Variants in B3GALT1 observed in about 807,000 individuals in gnomAD.
B3GALT1 encodes the protein UDP-Gal:betaGlcNAc beta 1,3-galactosyltransferase, polypeptide 1.
Under a neutral mutation model 23.2 loss-of-function variants are expected in B3GALT1, and 10 were observed. The observed-to-expected ratio is 0.43, with a 90% CI of 0.27 to 0.73. The LOEUF (loss-of-function observed/expected upper bound fraction) is 0.73, where lower values mean the gene tolerates loss of function less well. Ranked by LOEUF, B3GALT1 falls within the 30% of genes least tolerant of loss-of-function variation. The pLI, the probability that B3GALT1 is intolerant of heterozygous loss-of-function variation, is 0.21. For synonymous variants in B3GALT1, 156 were observed against 141.5 expected, an observed-to-expected ratio of 1.10 and a Z score of -0.73; for missense variants, 299 against 405.4, an observed-to-expected ratio of 0.74 and a Z score of 2.25.
intron 3 of B3GALT1, among the ~76,000 whole-genome samples, chr2:167,691,368 G>C (rs116430127): frequency 0.013 from 1,940 of 152,056 alleles, 44 homozygotes; most frequent in African/African-American, 0.044. Context: ...TACCTGTTTT[G>C]CTCACAACTA....
At chr2:167,407,806 T>C (rs1698324457) in intron 1 of B3GALT1, among the ~76,000 whole-genome samples, 1 of 151,898 alleles carries the variant, frequency 6.6e-6, no homozygotes, top group Non-Finnish European at 1.5e-5. Flanking sequence ...AAAAAACCAA[T>C]AACAAGTAAC....
intron 3 of B3GALT1, among the ~76,000 whole-genome samples, chr2:167,808,120 G>A (rs1688797981): frequency 6.6e-6 from 1 of 151,540 alleles, no homozygotes; most frequent in Non-Finnish European, 1.5e-5. Flanking sequence ...GACTAGGATT[G>A]CAACCCCTGC....
intron 2 of B3GALT1, among the ~76,000 whole-genome samples, chr2:167,591,150 A>G (rs1684672197): frequency 6.6e-6 from 1 of 152,200 alleles, no homozygotes; most frequent in African/African-American, 2.4e-5. Context: ...ACAGTGGAGA[A>G]TTAGGAAGTT....
chr2:167,414,855 A>G (rs986115663), intron 1 of B3GALT1, among the ~76,000 whole-genome samples: 4 of 152,170 alleles, frequency 2.6e-5, no homozygotes, highest in Admixed American at 6.5e-5. Flanking sequence ...AGCCGTAGGT[A>G]TGATGTTTAT....
At chr2:167,556,063 A>G (rs1179320983) in intron 2 of B3GALT1, among the ~76,000 whole-genome samples, 2 of 152,178 alleles carry the variant, frequency 1.3e-5, no homozygotes, top group Admixed American at 1.3e-4. Context: ...CAAATGCCAA[A>G]TATTACTGAC....
Position 167,870,130 on chromosome 2 carries a change from AG to A in B3GALT1, c.*111del, listed in dbSNP as rs1449828018. 1.7e-6 allele frequency: 2 copies of A among 1,196,596 alleles called. No individual in the cohort carries two copies. Among genetic ancestry groups the A allele is most frequent in the African/African-American group, 3.1e-5 (2 of 64,720 alleles). The allele number at this position is 1,196,596 out of a possible 1,614,324, so 74.1% of individuals were successfully genotyped here. On this transcript the variant is annotated 3_prime_UTR_variant, in exon 5 of 5. Transcript: ENST00000392690. ...ATGAACTGGTGAAGGGGTTTTGTAA[AG>A]TTTTTGCTTCCTGCTATAAGTTCTT...
intron 2 of B3GALT1, among the ~76,000 whole-genome samples, chr2:167,541,993 C>T (rs1373361057): frequency 6.6e-6 from 1 of 152,080 alleles, no homozygotes; most frequent in Non-Finnish European, 1.5e-5. Flanking sequence ...AATACAGACA[C>T]TGAACTTAGA....
chr2:167,465,722 G>T (rs77063947), intron 1 of B3GALT1, among the ~76,000 whole-genome samples: 22 of 151,816 alleles, frequency 1.4e-4, no homozygotes, highest in African/African-American at 5.3e-4. Context: ...CAAAAAGAAC[G>T]CCAAGAAGCA....
chr2:167,704,699 A>G (rs1349695632), intron 3 of B3GALT1, among the ~76,000 whole-genome samples: 2 of 152,222 alleles, frequency 1.3e-5, no homozygotes, highest in Admixed American at 6.5e-5. Flanking sequence ...TTTTTAAGTA[A>G]ATGAACATGA....
intron 2 of B3GALT1, among the ~76,000 whole-genome samples, chr2:167,597,637 C>A (rs1442293893): frequency 6.6e-6 from 1 of 152,172 alleles, no homozygotes; most frequent in Admixed American, 6.5e-5. Flanking sequence ...GTCTGCAAAG[C>A]CCTCCGTGTT....
At chr2:167,576,520 G>GTTTTTTTTTTGTTTTTTTTTTTTTTTTT (rs1558912483) in intron 2 of B3GALT1, among the ~76,000 whole-genome samples, 1 of 122,424 alleles carries the variant, frequency 8.2e-6, no homozygotes. Context: ...TTGTTTTTCT[G>GTTTTTTTTTTGTTTTTTTTTTTTTTTTT]TTTTTTTTTT....
intron 1 of B3GALT1, among the ~76,000 whole-genome samples, chr2:167,404,522 G>C (rs533735147): frequency 6.6e-6 from 1 of 152,066 alleles, no homozygotes; most frequent in Non-Finnish European, 1.5e-5. Context: ...AGTATAACTC[G>C]TTTACCTGGT....
At chr2:167,634,982 A>T (rs970520615) in intron 2 of B3GALT1, among the ~76,000 whole-genome samples, 1 of 152,208 alleles carries the variant, frequency 6.6e-6, no homozygotes, top group African/African-American at 2.4e-5. Flanking sequence ...CCAACAGCAC[A>T]TCAAAAAGCT....
intron 1 of B3GALT1, among the ~76,000 whole-genome samples, chr2:167,474,799 C>A (rs1699467559): frequency 6.6e-6 from 1 of 152,030 alleles, no homozygotes; most frequent in African/African-American, 2.4e-5. Context: ...TGATTTTTGA[C>A]CCAGATGTTA....
intron 2 of B3GALT1, among the ~76,000 whole-genome samples, chr2:167,512,591 T>TACG (rs375036584): frequency 2.4e-5 from 1 of 41,858 alleles, no homozygotes; most frequent in Admixed American, 2.4e-4. Context: ...TATATATATA[T>TACG]GTGTATATAT....
chr2:167,428,925 A>G (rs1698663663), intron 1 of B3GALT1, among the ~76,000 whole-genome samples: 1 of 152,148 alleles, frequency 6.6e-6, no homozygotes, highest in Non-Finnish European at 1.5e-5. Context: ...TTATCGACAT[A>G]CCATCTTATT....
At chr2:167,486,590 C>T (rs182248192) in intron 1 of B3GALT1, among the ~76,000 whole-genome samples, 104 of 139,850 alleles carry the variant, frequency 7.4e-4, no homozygotes, top group Middle Eastern at 9.8e-3. Flanking sequence ...TTGTGGCGCA[C>T]GCCTGTAGTC....
At chr2:167,660,667 G>A (rs1044445898) in intron 3 of B3GALT1, among the ~76,000 whole-genome samples, 5 of 152,098 alleles carry the variant, frequency 3.3e-5, no homozygotes, top group African/African-American at 1.2e-4. Flanking sequence ...GAGTCTCACT[G>A]TCACTAGAAG....
chr2:167,847,546 T>A (rs1689787969), intron 4 of B3GALT1, among the ~76,000 whole-genome samples: 1 of 152,042 alleles, frequency 6.6e-6, no homozygotes, highest in Non-Finnish European at 1.5e-5. Flanking sequence ...TGAATGACAA[T>A]AATGACACAA....
Sources: gnomAD v4.1 joint callset for allele counts (sites outside exome capture counted in the v4.1 genomes callset) on GRCh38, gnomAD v4.1.1 for gene constraint, MANE v1.5 for transcripts, NCBI Gene and HGNC (gene_info 2026-07-23, HGNC 2026-07-21) for gene names.